Variants in THSD7B observed in about 807,000 individuals in gnomAD.
The protein encoded by THSD7B is thrombospondin type 1 domain containing 7B.
In THSD7B, 138 loss-of-function variants were observed where a neutral mutation model predicts 213.6. The ratio of observed to expected loss-of-function variants is 0.65; its 90% CI spans 0.56 to 0.74. The LOEUF (loss-of-function observed/expected upper bound fraction) is 0.74. Among genes scored for constraint, THSD7B ranks in the 30% least tolerant of loss-of-function variants. THSD7B has a pLI of 0.00. For synonymous variants in THSD7B, 742 were observed against 687.0 expected (o/e 1.08, Z -1.25); for missense variants, 1,931 against 1,991.5 (o/e 0.97, Z 0.58).
intron 15 of THSD7B, among the ~76,000 whole-genome samples, chr2:137,523,270 C>T (rs1005793456): frequency 3.3e-5 from 5 of 152,268 alleles, no homozygotes; most frequent in African/African-American, 7.2e-5. Flanking sequence ...TTTTCCTGTG[C>T]TCATGCTATT....
chr2:137,152,412 A>G (rs1410655065), intron 5 of THSD7B, among the ~76,000 whole-genome samples: 1 of 152,210 alleles, frequency 6.6e-6, no homozygotes, highest in Non-Finnish European at 1.5e-5. Flanking sequence ...TTGCAAATAC[A>G]AAATCATTGT....
intron 1 of THSD7B, among the ~76,000 whole-genome samples, chr2:136,830,677 G>A (rs1682739425): frequency 6.6e-6 from 1 of 152,032 alleles, no homozygotes; most frequent in Middle Eastern, 3.4e-3. Flanking sequence ...AAAACATCTT[G>A]TCTCTTCTAA....
chr2:137,397,824 CT>C (rs1186404322), intron 12 of THSD7B, among the ~76,000 whole-genome samples: 1 of 143,786 alleles, frequency 7.0e-6, no homozygotes, highest in Non-Finnish European at 1.5e-5. Context: ...TAGATTTGGT[CT>C]TTTCACATAG....
intron 5 of THSD7B, among the ~76,000 whole-genome samples, chr2:137,137,112 C>T (rs889723410): frequency 2.6e-5 from 4 of 152,116 alleles, no homozygotes; most frequent in African/African-American, 7.2e-5. Flanking sequence ...AAAATATTTG[C>T]ACAACTGAAA....
At chr2:137,445,488 A>C (rs1453357927) in intron 14 of THSD7B, among the ~76,000 whole-genome samples, 1 of 152,042 alleles carries the variant, frequency 6.6e-6, no homozygotes, top group African/African-American at 2.4e-5. Flanking sequence ...AGATTATGTT[A>C]CATGAAATAA....
intron 10 of THSD7B, among the ~76,000 whole-genome samples, chr2:137,252,266 CA>C (rs1182130976): frequency 1.4e-3 from 86 of 59,684 alleles, no homozygotes; most frequent in South Asian, 5.8e-3. Flanking sequence ...GACTCTGTCT[CA>C]AAAAAAAAAA....
chr2:137,353,703 G>A (rs1224546298), intron 12 of THSD7B, among the ~76,000 whole-genome samples: 2 of 151,940 alleles, frequency 1.3e-5, no homozygotes, highest in African/African-American at 4.8e-5. Context: ...AGATCTTATG[G>A]ATAAATACAT....
rs1464572200 is a variant in THSD7B, at chr2:137,487,920, C to T, written c.3138+36897C>T. On this transcript the variant is annotated intron_variant, in intron 15 of 27. Transcript: ENST00000409968. ...CTGGGACTACAGGCGCCCGCCACTA[C>T]GCCCGGCTAATTTTTTGTATTTTTA... 1.1e-4 allele frequency among the ~76,000 whole-genome samples: 6 copies of T among 52,732 alleles called. 3 individuals are homozygous for T. The highest frequency in any genetic ancestry group is 3.0e-4 in the Non-Finnish European group (6 of 19,958). The allele number at this position is 52,732 out of a possible 152,430, so 34.6% of individuals were successfully genotyped here. A position where few individuals can be genotyped will look rare whatever the true frequency, so the allele number is the denominator to read the frequency against.
At chr2:137,130,912 T>A (rs1398307577) in intron 5 of THSD7B, among the ~76,000 whole-genome samples, 1 of 151,448 alleles carries the variant, frequency 6.6e-6, no homozygotes, top group South Asian at 2.1e-4. Flanking sequence ...GATGGCTGGG[T>A]CAAATGGTAT....
chr2:137,603,226 C>A (rs1325257153), intron 17 of THSD7B, among the ~76,000 whole-genome samples: 2 of 152,202 alleles, frequency 1.3e-5, no homozygotes, highest in African/African-American at 4.8e-5. Context: ...AGAGTGCTTT[C>A]AAGCTTATCT....
At chr2:136,992,064 G>GT (rs1344057655) in intron 2 of THSD7B, among the ~76,000 whole-genome samples, 1 of 152,086 alleles carries the variant, frequency 6.6e-6, no homozygotes, top group Non-Finnish European at 1.5e-5. Context: ...TATCCTCATT[G>GT]TCTCTCTTGC....
chr2:137,306,107 C>G (rs1005782566), intron 12 of THSD7B, among the ~76,000 whole-genome samples: 1 of 152,028 alleles, frequency 6.6e-6, no homozygotes, highest in Admixed American at 6.6e-5. Flanking sequence ...ACGTGAAGCC[C>G]CAGGACATTA....
At chr2:137,490,351 T>A (rs780789825) in intron 15 of THSD7B, among the ~76,000 whole-genome samples, 4 of 152,210 alleles carry the variant, frequency 2.6e-5, no homozygotes, top group Non-Finnish European at 5.9e-5. Flanking sequence ...AGACCATATC[T>A]AAAAAAATCG....
intron 3 of THSD7B, among the ~76,000 whole-genome samples, chr2:137,081,950 C>T (rs1361724597): frequency 6.6e-6 from 1 of 151,822 alleles, no homozygotes; most frequent in African/African-American, 2.4e-5. Context: ...TCCTAATTTC[C>T]CTCCTCTAAT....
At chr2:137,313,634 G>A (rs1683987759) in intron 12 of THSD7B, among the ~76,000 whole-genome samples, 1 of 152,014 alleles carries the variant, frequency 6.6e-6, no homozygotes, top group South Asian at 2.1e-4. Context: ...TGATTTTGCA[G>A]TGGCTGGTAC....
intron 2 of THSD7B, among the ~76,000 whole-genome samples, chr2:136,909,607 C>G (rs1024455084): frequency 6.6e-6 from 1 of 152,060 alleles, no homozygotes; most frequent in African/African-American, 2.4e-5. Context: ...TCCATTTGAG[C>G]TTATATTTAT....
At chr2:137,287,419 A>C (rs749340285) in intron 12 of THSD7B, among the ~76,000 whole-genome samples, 1 of 152,132 alleles carries the variant, frequency 6.6e-6, no homozygotes, top group Non-Finnish European at 1.5e-5. Flanking sequence ...CAAAGATTGC[A>C]TTTTAATCTA....
intron 14 of THSD7B, among the ~76,000 whole-genome samples, chr2:137,416,703 G>T (rs1686807186): frequency 6.6e-6 from 1 of 152,210 alleles, no homozygotes; most frequent in Admixed American, 6.5e-5. Context: ...GTATGCACAT[G>T]TTTTAACAGC....
At chr2:136,906,936 G>GTTTTTTTTTTTTTTTTTTTTTTTTTTT (rs57887270) in intron 2 of THSD7B, among the ~76,000 whole-genome samples, 2 of 55,096 alleles carry the variant, frequency 3.6e-5, no homozygotes, top group African/African-American at 8.9e-5. Context: ...ACATTTCAAG[G>GTTTTTTTTTTTTTTTTTTTTTTTTTTT]TTTTTTTTTT....
Sources: gnomAD v4.1 joint callset for allele counts (sites outside exome capture counted in the v4.1 genomes callset) on GRCh38, gnomAD v4.1.1 for gene constraint, MANE v1.5 for transcripts, NCBI Gene and HGNC (gene_info 2026-07-23, HGNC 2026-07-21) for gene names.